RHBDL2: variants seen among roughly 807,000 people sequenced by gnomAD.
RHBDL2 encodes rhomboid-related protein 2.
RHBDL2 carries 26 observed loss-of-function variants against 31.7 expected under a neutral mutation model. The ratio of observed to expected loss-of-function variants is 0.82; its 90% CI spans 0.60 to 1.14. The LOEUF (loss-of-function observed/expected upper bound fraction) is 1.14. Ranked by LOEUF, RHBDL2 falls within the 50% of genes most tolerant of loss-of-function variation. The pLI is 0.00. For missense variants in RHBDL2, 336 were observed against 364.4 expected, an observed-to-expected ratio of 0.92 and a Z score of 0.63; for synonymous variants, 123 against 127.2, an observed-to-expected ratio of 0.97 and a Z score of 0.22.
At chr1:38,889,061 T>C (rs1642821372) in intron 6 of RHBDL2, among the ~76,000 whole-genome samples, 1 of 152,136 alleles carries the variant, frequency 6.6e-6, no homozygotes, top group Non-Finnish European at 1.5e-5. Context: ...AGGAAGTCTT[T>C]GAAAGCTCTT....
In RHBDL2 at chr1:38,897,388, T is replaced by C. The variant is rs539134011; in HGVS notation, c.509-1319A>G. On this transcript the variant is annotated intron_variant, in intron 4 of 7. Coordinates refer to ENST00000372990, the MANE Select transcript of RHBDL2 (RefSeq NM_017821.5). The stretch of plus-strand genomic sequence containing the variant: ...GTGCTGGGATTACAGGCGTGAGCCA[T>C]TGCGCCCGGCCTAAACTTTGAAGAA... 5.9e-5 allele frequency among the ~76,000 whole-genome samples: 9 copies of C among 152,122 alleles called. No homozygotes were observed. The South Asian group carries it at 1.9e-3, about 32-fold the overall frequency.
At chr1:38,939,244 T>C (rs1368634120) in intron 1 of RHBDL2, among the ~76,000 whole-genome samples, 4 of 152,168 alleles carry the variant, frequency 2.6e-5, no homozygotes, top group African/African-American at 9.7e-5. Flanking sequence ...TTGGTCTTTC[T>C]TTTTTCTTTT....
chr1:38,897,139 C>G (rs1288370263), intron 4 of RHBDL2, among the ~76,000 whole-genome samples: 1 of 149,820 alleles, frequency 6.7e-6, no homozygotes, highest in African/African-American at 2.5e-5. Flanking sequence ...CCCACTCTGT[C>G]GCCCAGGCTG....
Position 38,925,830 on chromosome 1 carries a change from A to G in RHBDL2, c.-125-6493T>C, listed in dbSNP as rs1122105. 7.9e-5 allele frequency: 40 copies of G among 507,736 alleles called. No homozygotes were observed. The East Asian group carries it at 2.4e-3, about 31-fold the overall frequency. The allele number at this position is 507,736 out of a possible 1,614,324, so 31.5% of individuals were successfully genotyped here. On this transcript the variant is annotated intron_variant, in intron 1 of 7. Coordinates refer to ENST00000372990, the MANE Select transcript of RHBDL2 (RefSeq NM_017821.5). ...ATTTTAATCACTGCATGCAAACTAC[A>G]TAAAGGATAACAGTCATGTGAGATA...
At chr1:38,909,944 C>T (rs189751386) in intron 4 of RHBDL2, among the ~76,000 whole-genome samples, 271 of 152,120 alleles carry the variant, frequency 1.8e-3, no homozygotes, top group Non-Finnish European at 3.1e-3. Flanking sequence ...ACTGAAACAA[C>T]TCAGATAACC....
intron 1 of RHBDL2, among the ~76,000 whole-genome samples, chr1:38,920,847 C>A (rs1246110367): frequency 6.7e-6 from 1 of 148,778 alleles, no homozygotes; most frequent in Admixed American, 6.7e-5. Context: ...GATCTCCTGA[C>A]CTCGTGATCC....
chr1:38,886,504 T>A lies in RHBDL2; in HGVS notation c.912A>T (p.Ter304CysextTer17). 6.4e-7 allele frequency: 1 copy of A among 1,568,136 alleles called. No homozygotes were observed. The highest frequency in any genetic ancestry group is 8.7e-7 in the Non-Finnish European group (1 of 1,150,440). ...TTAATTGACTTACAATAGGGGCAGG[T>A]CAGTTTGCTGGAGATAGGAAAATGT... ...FFNIFLSPAN[*>C] is the part of the protein sequence containing the mutation. The change falls in exon 8 of 8, where the codon TGA becomes TGT. Residue 304 changes from the stop codon to cysteine, a stop_lost. Coordinates refer to ENST00000372990, the MANE Select transcript of RHBDL2 (RefSeq NM_017821.5).
At chr1:38,921,630 G>T (rs540923509) in intron 1 of RHBDL2, among the ~76,000 whole-genome samples, 1 of 152,084 alleles carries the variant, frequency 6.6e-6, no homozygotes, top group Non-Finnish European at 1.5e-5. Flanking sequence ...TTGAGGAAGA[G>T]ACATCTTATT....
chr1:38,886,838 C>G (rs1642791035), intron 7 of RHBDL2, among the ~76,000 whole-genome samples, 155 bp from the exon 8 acceptor site: 1 of 152,152 alleles, frequency 6.6e-6, no homozygotes, highest in African/African-American at 2.4e-5. Context: ...AGACACAAAA[C>G]TCCATGTGCA....
At chr1:38,909,121 G>C (rs1643108160) in intron 4 of RHBDL2, among the ~76,000 whole-genome samples, 1 of 152,134 alleles carries the variant, frequency 6.6e-6, no homozygotes, top group Non-Finnish European at 1.5e-5. Flanking sequence ...ACATCCTGCT[G>C]CTTGTGTGTC....
chr1:38,929,161 G>A (rs1224938734), intron 1 of RHBDL2, among the ~76,000 whole-genome samples: 1 of 152,148 alleles, frequency 6.6e-6, no homozygotes, highest in East Asian at 1.9e-4. Context: ...ATCCTTTCCT[G>A]TACTCTTAGC....
At chr1:38,920,169 T>TC (rs1399841247) in intron 1 of RHBDL2, among the ~76,000 whole-genome samples, 5 of 142,228 alleles carry the variant, frequency 3.5e-5, no homozygotes, top group Non-Finnish European at 3.1e-5. Flanking sequence ...ATGTTTTCTT[T>TC]TTTTTTTTTT....
chr1:38,928,907 T>A (rs1194291930), intron 1 of RHBDL2, among the ~76,000 whole-genome samples: 1 of 151,556 alleles, frequency 6.6e-6, no homozygotes, highest in Admixed American at 6.6e-5. Context: ...CAAAAAAAAA[T>A]TAAAAATTAA....
At chr1:38,939,324 T>C (rs963477353) in intron 1 of RHBDL2, among the ~76,000 whole-genome samples, 2 of 152,062 alleles carry the variant, frequency 1.3e-5, no homozygotes, top group Non-Finnish European at 2.9e-5. Flanking sequence ...CACGGCAGCC[T>C]TGGCGTCTCA....
intron 4 of RHBDL2, among the ~76,000 whole-genome samples, chr1:38,901,618 C>T (rs1307007317): frequency 6.6e-6 from 1 of 151,724 alleles, no homozygotes; most frequent in African/African-American, 2.4e-5. Flanking sequence ...AGTGGATCAC[C>T]TGAGGTCAGG....
intron 1 of RHBDL2, among the ~76,000 whole-genome samples, chr1:38,919,668 G>A (rs1158060655): frequency 4.0e-5 from 6 of 151,654 alleles, no homozygotes; most frequent in African/African-American, 1.2e-4. Context: ...GAGTGCAATG[G>A]CGAGATCTCA....
At chr1:38,925,516 C>CAAA in intron 1 of RHBDL2, among the ~76,000 whole-genome samples, 1 of 125,986 alleles carries the variant, frequency 7.9e-6, no homozygotes, top group Non-Finnish European at 1.7e-5. Flanking sequence ...GATTCTGTCT[C>CAAA]AAAAAAAAAA....
intron 4 of RHBDL2, among the ~76,000 whole-genome samples, chr1:38,906,617 T>C (rs1643070733): frequency 6.6e-6 from 1 of 151,106 alleles, no homozygotes; most frequent in Non-Finnish European, 1.5e-5. Context: ...GAGCTTGCAG[T>C]GAGCGGAGAT....
chr1:38,939,209 G>A (rs1643538508), intron 1 of RHBDL2, among the ~76,000 whole-genome samples: 1 of 152,164 alleles, frequency 6.6e-6, no homozygotes, highest in African/African-American at 2.4e-5. Flanking sequence ...GTCTAGAGAG[G>A]TAGTTGGGGA....
Sources: gnomAD v4.1 joint callset for allele counts (sites outside exome capture counted in the v4.1 genomes callset) on GRCh38, gnomAD v4.1.1 for gene constraint, MANE v1.5 for transcripts, NCBI Gene and HGNC (gene_info 2026-07-23, HGNC 2026-07-21) for gene names.